Variants in SLC24A2 observed in about 807,000 individuals in gnomAD.
The protein encoded by SLC24A2 is sodium/potassium/calcium exchanger 2.
SLC24A2 carries 36 observed loss-of-function variants against 62.0 expected under a neutral mutation model. The observed-to-expected ratio is 0.58, with a 90% CI of 0.44 to 0.77. The LOEUF (loss-of-function observed/expected upper bound fraction) is 0.77, where lower values mean the gene tolerates loss of function less well. Ranked by LOEUF, SLC24A2 falls within the 30% of genes least tolerant of loss-of-function variation. The pLI, the probability that SLC24A2 is intolerant of heterozygous loss-of-function variation, is 0.00. For missense variants in SLC24A2, 846 were observed against 817.9 expected, an observed-to-expected ratio of 1.03 and a Z score of -0.42; for synonymous variants, 358 against 294.0, an observed-to-expected ratio of 1.22 and a Z score of -2.23.
At chr9:20,223,816 G>A in the SLC24A2 span, among the ~76,000 whole-genome samples, 1 of 152,036 alleles carries the variant, frequency 6.6e-6, no homozygotes. Flanking sequence ...GTATTAGTCT[G>A]TTTTCACACT....
At chr9:19,708,286 C>T (rs2118576947) in intron 2 of SLC24A2, among the ~76,000 whole-genome samples, 1 of 152,248 alleles carries the variant, frequency 6.6e-6, no homozygotes, top group Non-Finnish European at 1.5e-5. Flanking sequence ...ACATTCCATG[C>T]TCATGGGTAG....
the SLC24A2 span, among the ~76,000 whole-genome samples, chr9:19,954,971 G>A: frequency 3.5e-5 from 5 of 144,458 alleles, no homozygotes; most frequent in Non-Finnish European, 1.5e-5. Flanking sequence ...AGGAAAAAGA[G>A]GAGGCTGCCA....
At chr9:20,012,071 A>G in the SLC24A2 span, among the ~76,000 whole-genome samples, 1 of 152,224 alleles carries the variant, frequency 6.6e-6, no homozygotes, top group African/African-American at 2.4e-5. Flanking sequence ...TGACAAACCT[A>G]TGGCTAACAT....
the SLC24A2 span, among the ~76,000 whole-genome samples, chr9:20,160,194 C>T: frequency 6.6e-6 from 1 of 151,180 alleles, no homozygotes; most frequent in African/African-American, 2.4e-5. Context: ...TTAAAGGAAG[C>T]AGAAAATACT....
the SLC24A2 span, among the ~76,000 whole-genome samples, chr9:20,260,616 A>G: frequency 6.6e-6 from 1 of 152,072 alleles, no homozygotes; most frequent in Non-Finnish European, 1.5e-5. Context: ...CAGACTTCGT[A>G]ATTTCCTTTT....
the SLC24A2 span, among the ~76,000 whole-genome samples, chr9:20,115,067 T>C: frequency 6.6e-6 from 1 of 152,092 alleles, no homozygotes; most frequent in African/African-American, 2.4e-5. Context: ...AAGAATCAAT[T>C]AATTTTAGGG....
At chr9:20,151,130 ATTAAG>A in the SLC24A2 span, among the ~76,000 whole-genome samples, 335 of 152,086 alleles carry the variant, frequency 2.2e-3, 1 homozygote, top group African/African-American at 7.0e-3. Flanking sequence ...AGAACCCCTA[ATTAAG>A]TTATCAGCAT....
At chr9:19,864,354 A>G in the SLC24A2 span, among the ~76,000 whole-genome samples, 3 of 151,852 alleles carry the variant, frequency 2.0e-5, no homozygotes, top group African/African-American at 7.2e-5. Flanking sequence ...ATACCCAAAC[A>G]AGACAAAGAA....
intron 10 of SLC24A2, among the ~76,000 whole-genome samples, chr9:19,517,788 G>T (rs1186698682): frequency 2.6e-5 from 4 of 152,052 alleles, no homozygotes; most frequent in African/African-American, 9.7e-5. Context: ...TCAGAAAATG[G>T]AAGGGGAGTG....
chr9:20,290,528 G>C, the SLC24A2 span, among the ~76,000 whole-genome samples: 8 of 152,216 alleles, frequency 5.3e-5, no homozygotes, highest in South Asian at 4.1e-4. Context: ...TGTGAGCTCT[G>C]GCTGGTGCAA....
At chr9:19,517,287 T>G (rs1223433098) in intron 10 of SLC24A2, among the ~76,000 whole-genome samples, 1 of 152,190 alleles carries the variant, frequency 6.6e-6, no homozygotes, top group African/African-American at 2.4e-5. Flanking sequence ...CCCATCAGCC[T>G]AATGACAGCA....
chr9:19,913,944 T>C, the SLC24A2 span, among the ~76,000 whole-genome samples: 2 of 152,056 alleles, frequency 1.3e-5, no homozygotes, highest in Non-Finnish European at 2.9e-5. Flanking sequence ...ACCAACCTCA[T>C]CTTCCTCACT....
At chr9:19,961,584 T>TA in the SLC24A2 span, among the ~76,000 whole-genome samples, 1 of 152,212 alleles carries the variant, frequency 6.6e-6, no homozygotes, top group Admixed American at 6.5e-5. Context: ...CTGTGCCAGG[T>TA]AACCTCTAAG....
At chr9:20,161,754 A>C in the SLC24A2 span, among the ~76,000 whole-genome samples, 1 of 105,006 alleles carries the variant, frequency 9.5e-6, no homozygotes, top group Non-Finnish European at 1.9e-5. Flanking sequence ...GAAAACATGA[A>C]GATACACACA....
At chr9:19,918,565 C>T in the SLC24A2 span, among the ~76,000 whole-genome samples, 4 of 152,066 alleles carry the variant, frequency 2.6e-5, no homozygotes, top group Non-Finnish European at 4.4e-5. Flanking sequence ...TGTGTTGGAG[C>T]GTGGAAGCTC....
the SLC24A2 span, among the ~76,000 whole-genome samples, chr9:20,089,329 A>C: frequency 1.3e-5 from 2 of 152,104 alleles, no homozygotes; most frequent in African/African-American, 4.8e-5. Flanking sequence ...GGACTCCAGC[A>C]CAACCACTCT....
At chr9:19,580,888 A>G (rs375987888) in intron 5 of SLC24A2, among the ~76,000 whole-genome samples, 1 of 152,188 alleles carries the variant, frequency 6.6e-6, no homozygotes, top group Middle Eastern at 3.2e-3. Context: ...ATGTCCATAC[A>G]TGTCCTGTAC....
chr9:19,662,240 T>A, intron 2 of SLC24A2, among the ~76,000 whole-genome samples: 1 of 152,218 alleles, frequency 6.6e-6, no homozygotes, highest in East Asian at 1.9e-4. Context: ...ATGTAATCAA[T>A]AGAAGAATTA....
At chr9:19,849,808 C>T in the SLC24A2 span, among the ~76,000 whole-genome samples, 1 of 152,204 alleles carries the variant, frequency 6.6e-6, no homozygotes, top group East Asian at 1.9e-4. Flanking sequence ...AAGACCAAAA[C>T]ACTGAGATAA....
Sources: gnomAD v4.1 joint callset for allele counts (sites outside exome capture counted in the v4.1 genomes callset) on GRCh38, gnomAD v4.1.1 for gene constraint, MANE v1.5 for transcripts, NCBI Gene and HGNC (gene_info 2026-07-23, HGNC 2026-07-21) for gene names.